Variants in TSC22D2 observed in about 807,000 individuals in gnomAD.
The protein encoded by TSC22D2 is TSC22 domain family protein 2.
In TSC22D2, 5 loss-of-function variants were observed where a neutral mutation model predicts 50.1. That is an observed-to-expected ratio of 0.10 (90% CI 0.05 to 0.21). The LOEUF is 0.21. Among genes scored for constraint, TSC22D2 ranks in the 10% least tolerant of loss-of-function variants. TSC22D2 has a pLI of 1.00. For synonymous variants in TSC22D2, 501 were observed against 450.1 expected, an observed-to-expected ratio of 1.11 and a Z score of -1.43; for missense variants, 1,003 against 1,015.5, an observed-to-expected ratio of 0.99 and a Z score of 0.17.
Position 150,410,397 on chromosome 3 carries a change from C to T in TSC22D2, c.1047C>T (p.Pro349=), listed in dbSNP as rs759513545. The change falls in exon 1 of 3, where the codon CCC becomes CCT. Residue 349 remains proline, a synonymous_variant. Transcript: ENST00000688009. ...PPQPGPAVGA[P]AAQQPQQFAY... ...AGCCGGGCCCTGCAGTGGGCGCCCC[C>T]GCGGCGCAGCAGCCCCAGCAGTTCG... The T allele has an allele frequency of 3.7e-6, 6 of 1,607,122 alleles. No homozygotes were observed. Among genetic ancestry groups the T allele is most frequent in the Admixed American group, 3.4e-5 (2 of 59,692 alleles).
chr3:150,458,730 A>G lies in TSC22D2; in HGVS notation c.*94A>G, dbSNP rs1403333683. ...CCACTTTATACGAAAGCAAGTAGCC[A>G]TGCTTTGGTTGTGTGTTTGGCCTTT... On this transcript the variant is annotated 3_prime_UTR_variant, in exon 3 of 3. Coordinates refer to ENST00000688009, the MANE Select transcript of TSC22D2 (RefSeq NM_001303264.2). The G allele has an allele frequency of 1.3e-6, 2 of 1,494,606 alleles. No homozygotes were observed. The highest frequency in any genetic ancestry group is 1.8e-6 in the Non-Finnish European group (2 of 1,104,612). The allele number at this position is 1,494,606 out of a possible 1,614,324, so 92.6% of individuals were successfully genotyped here.
chr3:150,432,643 C>A (rs933135364), intron 1 of TSC22D2, among the ~76,000 whole-genome samples: 3 of 151,216 alleles, frequency 2.0e-5, no homozygotes, highest in African/African-American at 4.9e-5. Context: ...ATTTAAGGAA[C>A]CTGGAATTGT....
intron 1 of TSC22D2, among the ~76,000 whole-genome samples, chr3:150,442,511 A>G (rs528384839): frequency 2.4e-4 from 36 of 152,364 alleles, no homozygotes; most frequent in African/African-American, 8.4e-4. Context: ...TGTGTATTTC[A>G]TGACATTTAG....
chr3:150,437,859 A>G (rs535198746), intron 1 of TSC22D2, among the ~76,000 whole-genome samples: 2 of 151,924 alleles, frequency 1.3e-5, no homozygotes, highest in African/African-American at 4.8e-5. Context: ...ACTCATATAC[A>G]TGGATGTGGA....
rs1247377695 is a variant in TSC22D2 at position 150,408,885 on chromosome 3, C to G, written c.-466C>G. ...CCTGAGGAGCCCGAGCGGGGCAGCA[C>G]CGCCCCTCACGCCGCCGCCACCGCC... On this transcript the variant is annotated 5_prime_UTR_variant, in exon 1 of 3. Transcript: ENST00000688009. 1.2e-5 allele frequency: 2 copies of G among 164,206 alleles called. No individual in the cohort carries two copies. The highest frequency in any genetic ancestry group is 4.8e-5 in the African/African-American group (2 of 41,532). 10.2% of individuals were successfully genotyped at this position (164,206 alleles called of 1,614,324 possible).
rs1434756527 is a variant in TSC22D2, at chr3:150,462,785, C to CA, written c.*4150dup. Reference sequence around the variant, plus strand: ...AGTAGCTGGGATTACAGGCGTGTGCCACCATGCCAGGCTAATTTTTGTATT... The same window carrying CA: ...AGTAGCTGGGATTACAGGCGTGTGCCAACCATGCCAGGCTAATTTTTGTATT... On this transcript the variant is annotated 3_prime_UTR_variant, in exon 3 of 3. Transcript: ENST00000688009. 3.9e-5 allele frequency: 6 copies of CA among 152,236 alleles called. No homozygotes were observed. The highest frequency in any genetic ancestry group is 8.8e-5 in the Non-Finnish European group (6 of 68,226). 9.4% of individuals were successfully genotyped at this position (152,236 alleles called of 1,614,324 possible).
intron 1 of TSC22D2, among the ~76,000 whole-genome samples, chr3:150,431,927 T>C (rs564853127): frequency 1.3e-4 from 20 of 152,350 alleles, no homozygotes; most frequent in Non-Finnish European, 1.9e-4. Flanking sequence ...TTTGAAGACA[T>C]TTTACATCAC....
rs1719397043 is a variant in TSC22D2 at position 150,409,219 on chromosome 3, T to A, written c.-132T>A. 4.7e-6 allele frequency: 5 copies of A among 1,070,952 alleles called. No individual in the cohort carries two copies. The South Asian group carries it at 8.7e-5, about 19-fold the overall frequency. The allele number at this position is 1,070,952 out of a possible 1,614,324, so 66.3% of individuals were successfully genotyped here. A position where few individuals can be genotyped will look rare whatever the true frequency, so the allele number is the denominator to read the frequency against. ...CAGCGCCTGGATCAGCCCGTGACTC[T>A]TAACAGCGGCGGGCCTCAGACCCCA... On this transcript the variant is annotated 5_prime_UTR_variant, in exon 1 of 3. Coordinates refer to ENST00000688009, the MANE Select transcript of TSC22D2 (RefSeq NM_001303264.2). The surrounding 1 kb of genome is among the most constrained non-coding windows in gnomAD (Gnocchi z 7.4).
intron 1 of TSC22D2, among the ~76,000 whole-genome samples, chr3:150,411,624 C>G (rs922763908): frequency 1.3e-5 from 2 of 151,952 alleles, no homozygotes; most frequent in African/African-American, 4.9e-5. Context: ...ATAGAATTGT[C>G]CTTTTCTTAC....
At chr3:150,428,187 C>G (rs1720257392) in intron 1 of TSC22D2, among the ~76,000 whole-genome samples, 1 of 152,034 alleles carries the variant, frequency 6.6e-6, no homozygotes, top group South Asian at 2.1e-4. Context: ...TGTGGAGAGT[C>G]AGTTAACTAA....
chr3:150,412,451 T>A (rs1351877932), intron 1 of TSC22D2, among the ~76,000 whole-genome samples: 1 of 152,238 alleles, frequency 6.6e-6, no homozygotes, highest in East Asian at 1.9e-4. Context: ...AAGCTTTCTC[T>A]TCCTATGGTT....
intron 1 of TSC22D2, among the ~76,000 whole-genome samples, chr3:150,417,438 G>A (rs770609056): frequency 5.9e-5 from 9 of 152,024 alleles, no homozygotes; most frequent in Non-Finnish European, 8.8e-5. Flanking sequence ...AACAAAGGAG[G>A]GAGGAGCTGT....
intron 1 of TSC22D2, among the ~76,000 whole-genome samples, chr3:150,441,814 G>A (rs1720726406): frequency 6.6e-6 from 1 of 152,070 alleles, no homozygotes; most frequent in South Asian, 2.1e-4. Context: ...ATTCTTCATC[G>A]TGGTAAGAGC....
rs1468373080 is a variant in TSC22D2, at chr3:150,464,481, G to C, written c.*5845G>C. On this transcript the variant is annotated 3_prime_UTR_variant, in exon 3 of 3. Coordinates refer to ENST00000688009, the MANE Select transcript of TSC22D2 (RefSeq NM_001303264.2). ...TATTTCAATTTAGGTGCTGCAACCTGTACTGGATGTTTGGGGATAGAAAGA... is the reference window on the plus strand; with the variant it reads ...TATTTCAATTTAGGTGCTGCAACCTCTACTGGATGTTTGGGGATAGAAAGA... The C allele has an allele frequency of 6.6e-6, 1 of 152,122 alleles. No homozygotes were observed. Among genetic ancestry groups the C allele is most frequent in the Non-Finnish European group, 1.5e-5 (1 of 68,020 alleles). The allele number at this position is 152,122 out of a possible 1,614,324, so 9.4% of individuals were successfully genotyped here.
chr3:150,457,065 A>AT lies in TSC22D2; in HGVS notation c.1959-5dup, dbSNP rs1357215248. On this transcript the variant is annotated splice_polypyrimidine_tract_variant and intron_variant, in intron 1 of 2. Transcript: ENST00000688009. ...TTTTTTAGAATAATAACATATTCTA[A>AT]TTTTTTCCAGTGCATCTGGGGGAGG... 4.3e-6 allele frequency: 7 copies of AT among 1,611,218 alleles called. No homozygotes were observed. The highest frequency in any genetic ancestry group is 5.9e-6 in the Non-Finnish European group (7 of 1,178,942).
Position 150,408,610 on chromosome 3 carries a change from G to A in TSC22D2, c.-741G>A, listed in dbSNP as rs1451673131. The A allele has an allele frequency of 6.6e-6, 1 of 152,358 alleles. No homozygotes were observed. The highest frequency in any genetic ancestry group is 1.5e-5 in the Non-Finnish European group (1 of 68,260). The allele number at this position is 152,358 out of a possible 1,614,324, so 9.4% of individuals were successfully genotyped here. The stretch of plus-strand genomic sequence containing the variant: ...CCCGCAGGGGTGGTTCCCCCTGTAA[G>A]GGGAGGACCGAGCCGGCTTTCCCCT... On this transcript the variant is annotated 5_prime_UTR_variant, in exon 1 of 3. Coordinates refer to ENST00000688009, the MANE Select transcript of TSC22D2 (RefSeq NM_001303264.2).
intron 1 of TSC22D2, among the ~76,000 whole-genome samples, chr3:150,440,495 T>G (rs1427432930): frequency 1.3e-5 from 2 of 152,090 alleles, no homozygotes; most frequent in Admixed American, 1.3e-4. Context: ...TAGAATAGTA[T>G]TATTAAGGAA....
In TSC22D2 at chr3:150,462,092, G is replaced by A. The variant is rs184742204; in HGVS notation, c.*3456G>A. 14 of 152,268 alleles carry A rather than the reference G, an allele frequency of 9.2e-5. No homozygotes were observed. The East Asian group carries it at 2.7e-3, about 29-fold the overall frequency. 9.4% of individuals were successfully genotyped at this position (152,268 alleles called of 1,614,324 possible). ...AGGACATAATAAGCCAACTGATAATGCAGTGAGGAATACTTGTTACTATGT... is the reference window on the plus strand; with the variant it reads ...AGGACATAATAAGCCAACTGATAATACAGTGAGGAATACTTGTTACTATGT... On this transcript the variant is annotated 3_prime_UTR_variant, in exon 3 of 3. Transcript: ENST00000688009.
chr3:150,416,705 C>A (rs1719817353), intron 1 of TSC22D2, among the ~76,000 whole-genome samples: 1 of 152,072 alleles, frequency 6.6e-6, no homozygotes, highest in Non-Finnish European at 1.5e-5. Context: ...CAGTTTGCAC[C>A]ATTCCTATAC....
Sources: gnomAD v4.1 joint callset for allele counts (sites outside exome capture counted in the v4.1 genomes callset) on GRCh38, gnomAD v4.1.1 for gene constraint, Gnocchi (gnomAD v3.1) non-coding constraint, MANE v1.5 for transcripts, NCBI Gene and HGNC (gene_info 2026-07-23, HGNC 2026-07-21) for gene names.